The following COL7A1 variants were observed in gnomAD, a reference collection of about 807,000 sequenced individuals.
COL7A1 encodes the protein collagen type VII alpha 1 chain, also known as collagen alpha-1(VII) chain.
A neutral mutation model predicts 456.2 loss-of-function variants in COL7A1; 296 were observed. The observed-to-expected ratio is 0.65, with a 90% CI of 0.59 to 0.71. COL7A1 has a LOEUF of 0.71. Among genes scored for constraint, COL7A1 ranks in the 30% least tolerant of loss-of-function variants. The pLI, the probability that COL7A1 is intolerant of heterozygous loss-of-function variation, is 0.00. For synonymous variants in COL7A1, 1,464 were observed against 1,525.9 expected, an observed-to-expected ratio of 0.96 and a Z score of 0.95; for missense variants, 3,441 against 4,017.2, an observed-to-expected ratio of 0.86 and a Z score of 3.88.
rs1451363016 is a variant in COL7A1 at position 48,592,721 on chromosome 3, T to C, written c.847-22A>G. 6.2e-7 allele frequency: 1 copy of C among 1,613,396 alleles called. No individual in the cohort carries two copies. The highest frequency in any genetic ancestry group is 1.1e-5 in the South Asian group (1 of 91,084). The stretch of plus-strand genomic sequence containing the variant: ...TCACCTGCCCAGGGCAAGAGGTCAC[T>C]TTATCTTGCCCAGCCAAGTCCCCAG... On this transcript the variant is annotated intron_variant, in intron 7 of 118. Coordinates refer to ENST00000681320, the MANE Select transcript of COL7A1 (RefSeq NM_000094.4). This position sits in a 1 kb window ranked among gnomAD's most constrained non-coding sequence, Gnocchi z 7.6.
rs1187631387 is a variant in COL7A1, at chr3:48,592,947, G to T, written c.683-9C>A. The T allele has an allele frequency of 6.2e-7, 1 of 1,613,624 alleles. No individual in the cohort carries two copies. Among genetic ancestry groups the T allele is most frequent in the East Asian group, 2.2e-5 (1 of 44,874 alleles). On this transcript the variant is annotated splice_polypyrimidine_tract_variant and intron_variant, in intron 6 of 118. Coordinates refer to ENST00000681320, the MANE Select transcript of COL7A1 (RefSeq NM_000094.4). The surrounding 1 kb of genome is among the most constrained non-coding windows in gnomAD (Gnocchi z 7.6). ...AGAGGTCGAGTCATCCGCTGGGAAT[G>T]CGGGATCAGGGGATCAGGCAGGAGG...
Position 48,580,052 on chromosome 3 carries a change from G to C in COL7A1, c.5103C>G (p.Pro1701=), listed in dbSNP as rs1036738746. 1 of 1,613,836 alleles carries C rather than the reference G, an allele frequency of 6.2e-7. No homozygotes were observed. The highest frequency in any genetic ancestry group is 1.3e-5 in the African/African-American group (1 of 74,892). ...TTACCAGCCGTCCCGGGGGTCCTGG[G>C]GGACCCTGGGAAAGGAAATGATTAT... The part of the protein sequence containing the change: ...GPKGDRGEPG[P]PGPPGRLVDT... The change falls in exon 57 of 119, where the codon CCC becomes CCG. Residue 1701 remains proline (P), a synonymous_variant. Transcript: ENST00000681320. This position sits in a 1 kb window ranked among gnomAD's most constrained non-coding sequence, Gnocchi z 4.5.
At position 48,593,471 on chromosome 3, in the gene COL7A1, A is replaced by C; in HGVS notation, c.427-22T>G. The C allele has an allele frequency of 6.2e-7, 1 of 1,614,066 alleles. No individual in the cohort carries two copies. The highest frequency in any genetic ancestry group is 8.5e-7 in the Non-Finnish European group (1 of 1,180,000). On this transcript the variant is annotated intron_variant, in intron 4 of 118. Coordinates refer to ENST00000681320, the MANE Select transcript of COL7A1 (RefSeq NM_000094.4). The surrounding 1 kb of genome is among the most constrained non-coding windows in gnomAD (Gnocchi z 4.4). ...AGACCTGGGACAGGTGCAGGGGTCA[A>C]ATCACGGTTCCCCTGGACACTTCAT...
In COL7A1 at chr3:48,592,608, T is replaced by C; in HGVS notation, c.938A>G (p.Asn313Ser). The C allele has an allele frequency of 1.2e-6, 2 of 1,614,030 alleles. No individual in the cohort carries two copies. The highest frequency in any genetic ancestry group is 1.7e-6 in the Non-Finnish European group (2 of 1,180,018). ...YQVTVIALYA[N>S]SIGEAVSGTA... ...CCCGCTCACAGCCTCCCCGATGCTGTTGGCGTAGAGGGCAATCACAGTCAC... is the reference window on the plus strand; with the variant it reads ...CCCGCTCACAGCCTCCCCGATGCTGCTGGCGTAGAGGGCAATCACAGTCAC... Residue 313 changes from asparagine to serine, a missense_variant, in exon 8 of 119, where the codon AAC becomes AGC. Around this residue, in one of 3 missense-constraint regions of COL7A1, gnomAD observed 913 missense variants for 1,088.2 expected, o/e 0.84. Coordinates refer to ENST00000681320, the MANE Select transcript of COL7A1 (RefSeq NM_000094.4). This position sits in a 1 kb window ranked among gnomAD's most constrained non-coding sequence, Gnocchi z 7.6.
chr3:48,578,843 T>C lies in COL7A1; in HGVS notation c.5424+76A>G. 3 of 1,480,272 alleles carry C rather than the reference T, an allele frequency of 2.0e-6. No homozygotes were observed. The highest frequency in any genetic ancestry group is 2.8e-6 in the Non-Finnish European group (3 of 1,089,940). 91.7% of individuals were successfully genotyped at this position (1,480,272 alleles called of 1,614,324 possible). A position where few individuals can be genotyped will look rare whatever the true frequency, so the allele number is the denominator to read the frequency against. On this transcript the variant is annotated intron_variant, in intron 63 of 118. Coordinates refer to ENST00000681320, the MANE Select transcript of COL7A1 (RefSeq NM_000094.4). The surrounding 1 kb of genome is among the most constrained non-coding windows in gnomAD (Gnocchi z 4.7). ...CCGACCCCCCACCAACTCTCTCGGA[T>C]GCTGTGACTATGATGATCTGGTTGG...
Position 48,587,975 on chromosome 3 carries a change from T to G in COL7A1, c.2711-36A>C. The stretch of plus-strand genomic sequence containing the variant: ...CGTGAGGGTGGGGGCCAAGAGCATG[T>G]GGGATAGTGACACCTGGGGGCATTA... On this transcript the variant is annotated intron_variant, in intron 21 of 118. Coordinates refer to ENST00000681320, the MANE Select transcript of COL7A1 (RefSeq NM_000094.4). This position sits in a 1 kb window ranked among gnomAD's most constrained non-coding sequence, Gnocchi z 6.1. 6.4e-7 allele frequency: 1 copy of G among 1,557,504 alleles called. No homozygotes were observed. The highest frequency in any genetic ancestry group is 8.7e-7 in the Non-Finnish European group (1 of 1,150,436).
Position 48,588,508 on chromosome 3 carries a change from T to C in COL7A1, c.2588-104A>G. ...CACCCCGCCCAGCCTCTCAGACCCC[T>C]CTCCCTCCTCTCAGACCCTGCCCCC... On this transcript the variant is annotated intron_variant, in intron 20 of 118. Transcript: ENST00000681320. The surrounding 1 kb of genome is among the most constrained non-coding windows in gnomAD (Gnocchi z 4.6). 2 of 1,595,178 alleles carry C rather than the reference T, an allele frequency of 1.3e-6. No homozygotes were observed. Among genetic ancestry groups the C allele is most frequent in the Non-Finnish European group, 1.7e-6 (2 of 1,172,792 alleles).
intron 65 of COL7A1, among the ~76,000 whole-genome samples, chr3:48,577,347 T>C (rs1364884867): frequency 1.1e-4 from 17 of 152,234 alleles, no homozygotes; most frequent in Admixed American, 9.8e-4. Flanking sequence ...ATGTGTGTCT[T>C]AGTACATGTA....
chr3:48,568,199 A>C lies in COL7A1; in HGVS notation c.7795-29T>G. Reference sequence around the variant, plus strand: ...GCAGGGAGAGGGTCCATGTGAGGTCAGAGGAGGTCAGTGAGGGACCAAAGA... The same window carrying C: ...GCAGGGAGAGGGTCCATGTGAGGTCCGAGGAGGTCAGTGAGGGACCAAAGA... On this transcript the variant is annotated intron_variant, in intron 105 of 118. Transcript: ENST00000681320. The surrounding 1 kb of genome is among the most constrained non-coding windows in gnomAD (Gnocchi z 5.2). 1.9e-6 allele frequency: 3 copies of C among 1,608,220 alleles called. No individual in the cohort carries two copies. The highest frequency in any genetic ancestry group is 2.5e-6 in the Non-Finnish European group (3 of 1,178,238).
Position 48,565,392 on chromosome 3 carries a change from G to C in COL7A1, c.8527+18C>G. On this transcript the variant is annotated intron_variant, in intron 116 of 118. Transcript: ENST00000681320. The surrounding 1 kb of genome is among the most constrained non-coding windows in gnomAD (Gnocchi z 4.5). ...TCGGCCCCACCCATAGCTGCCCCAC[G>C]GGTTCAGCTGTCCTCACCTTCCTCC... 1 of 1,596,182 alleles carries C rather than the reference G, an allele frequency of 6.3e-7. No individual in the cohort carries two copies. The highest frequency in any genetic ancestry group is 8.5e-7 in the Non-Finnish European group (1 of 1,171,112).
rs981064576 is a variant in COL7A1, at chr3:48,594,621, TG to T, written c.86-74del. Reference sequence around the variant, plus strand: ...CCGCCTACCCGCACGGTGGCCTCACTGGGACTTGGGATGGTGGGGAGAGTAG... The same window carrying T: ...CCGCCTACCCGCACGGTGGCCTCACTGGACTTGGGATGGTGGGGAGAGTAG... On this transcript the variant is annotated intron_variant, in intron 2 of 118. Transcript: ENST00000681320. The surrounding 1 kb of genome is among the most constrained non-coding windows in gnomAD (Gnocchi z 5.5). 1.5e-5 allele frequency: 23 copies of T among 1,496,790 alleles called. No homozygotes were observed. In the African/African-American group the frequency reaches 3.0e-4, roughly 20 times the overall value. 92.7% of individuals were successfully genotyped at this position (1,496,790 alleles called of 1,614,324 possible).
Position 48,579,094 on chromosome 3 carries a change from C to T in COL7A1, c.5388+103G>A, listed in dbSNP as rs2107695913. 6.4e-7 allele frequency: 1 copy of T among 1,556,326 alleles called. No individual in the cohort carries two copies. The highest frequency in any genetic ancestry group is 8.8e-7 in the Non-Finnish European group (1 of 1,130,358). ...AAGACACAGACAACAGGTCTCGCCC[C>T]AGAGCTCGTCAAGGCCAAGACCAAC... On this transcript the variant is annotated intron_variant, in intron 62 of 118. Transcript: ENST00000681320. This position sits in a 1 kb window ranked among gnomAD's most constrained non-coding sequence, Gnocchi z 4.4.
chr3:48,577,780 G>T (rs550048439), intron 65 of COL7A1, among the ~76,000 whole-genome samples: 1 of 152,312 alleles, frequency 6.6e-6, no homozygotes, highest in Admixed American at 6.5e-5. Flanking sequence ...ATGGCTGTGG[G>T]TTATCTGGGC....
rs1457636237 is a variant in COL7A1, at chr3:48,578,082, TG to T, written c.5532+238del. Among the ~76,000 whole-genome samples, 1 of 152,076 alleles carries T rather than the reference TG, an allele frequency of 6.6e-6. No individual in the cohort carries two copies. The highest frequency in any genetic ancestry group is 1.5e-5 in the Non-Finnish European group (1 of 68,022). On this transcript the variant is annotated intron_variant, in intron 65 of 118. Transcript: ENST00000681320. The surrounding 1 kb of genome is among the most constrained non-coding windows in gnomAD (Gnocchi z 4.7). The stretch of plus-strand genomic sequence containing the variant: ...GGGAGGTTGAGGCAGGAGAATCACT[TG>T]AACCCGAGAGTCGAAGGTTGCAGTG...
In COL7A1 at chr3:48,594,580, C is replaced by A. The variant is rs1426617530; in HGVS notation, c.86-32G>T. 2 of 1,550,514 alleles carry A rather than the reference C, an allele frequency of 1.3e-6. No individual in the cohort carries two copies. Among genetic ancestry groups the A allele is most frequent in the Non-Finnish European group, 1.7e-6 (2 of 1,151,010 alleles). ...CGGGCAGGAGAGATCAGGGCCTCTT[C>A]TGGGAGGCCAACCACCCGCCTACCC... On this transcript the variant is annotated intron_variant, in intron 2 of 118. Coordinates refer to ENST00000681320, the MANE Select transcript of COL7A1 (RefSeq NM_000094.4). The surrounding 1 kb of genome is among the most constrained non-coding windows in gnomAD (Gnocchi z 5.5).
chr3:48,585,596 G>C lies in COL7A1; in HGVS notation c.3855C>G (p.Pro1285=). Residue 1285 remains proline (P), a synonymous_variant, in exon 32 of 119, where the codon CCC becomes CCG. Coordinates refer to ENST00000681320, the MANE Select transcript of COL7A1 (RefSeq NM_000094.4). This position sits in a 1 kb window ranked among gnomAD's most constrained non-coding sequence, Gnocchi z 4.5. ...CAGTGGCACTTCCAGGGGGCCCCTG[G>C]GGGCCGGGAGCACCGGTCCTGCCCT... ...GLPGRTGAPG[P]QGPPGSATAK... 6.2e-7 allele frequency: 1 copy of C among 1,614,000 alleles called. No individual in the cohort carries two copies. The highest frequency in any genetic ancestry group is 8.5e-7 in the Non-Finnish European group (1 of 1,180,026).
Position 48,570,161 on chromosome 3 carries a change from G to A in COL7A1, c.7458C>T (p.Pro2486=), listed in dbSNP as rs766547317. The change falls in exon 99 of 119, where the codon CCC becomes CCT. Residue 2486 remains proline (P), a synonymous_variant. Coordinates refer to ENST00000681320, the MANE Select transcript of COL7A1 (RefSeq NM_000094.4). The surrounding 1 kb of genome is among the most constrained non-coding windows in gnomAD (Gnocchi z 5.5). ...TGAGTCCTCGGGGTCCCTCCTGGCC[G>A]GGGCGGCCATCTTCACCCTGGATGG... ...EPGIRGEDGR[P]GQEGPRGLTG... is the part of the protein sequence containing the mutation. 1.6e-5 allele frequency: 26 copies of A among 1,614,142 alleles called. No individual in the cohort carries two copies. The highest frequency in any genetic ancestry group is 8.9e-5 in the East Asian group (4 of 44,886).
In COL7A1 at chr3:48,589,328, A is replaced by G; in HGVS notation, c.2313T>C (p.Thr771=). The G allele has an allele frequency of 6.2e-7, 1 of 1,612,582 alleles. No individual in the cohort carries two copies. The highest frequency in any genetic ancestry group is 8.5e-7 in the Non-Finnish European group (1 of 1,179,962). ...AGTAGCTGGCCAGGGTCCACTCACC[A>G]GTCCTCACAACCACAGAGGCAGGGG... ...DGPPASVVVR[T]APEPVGRVSR... Residue 771 remains threonine, a splice_region_variant and synonymous_variant, in exon 18 of 119, where the codon ACT becomes ACC. Transcript: ENST00000681320.
rs1422692870 is a variant in COL7A1, at chr3:48,567,158, G to A, written c.8079C>T (p.Pro2693=). The change falls in exon 110 of 119, where the codon CCC becomes CCT. Residue 2693 remains proline (P), a synonymous_variant. Transcript: ENST00000681320. This position sits in a 1 kb window ranked among gnomAD's most constrained non-coding sequence, Gnocchi z 4.3. ...GDRGFDGQPG[P]KGDQGEKGER... The stretch of plus-strand genomic sequence containing the variant: ...CCCCTTTCTCGCCCTGGTCACCCTT[G>A]GGGCCTGGCTGCCCGTCAAAGCCTC... 4 of 1,613,848 alleles carry A rather than the reference G, an allele frequency of 2.5e-6. No homozygotes were observed. Among genetic ancestry groups the A allele is most frequent in the South Asian group, 1.1e-5 (1 of 91,078 alleles).
Sources: allele counts gnomAD v4.1 joint callset (sites outside exome capture counted in the v4.1 genomes callset), GRCh38; gene constraint gnomAD v4.1.1; regional missense constraint gnomAD v4.1.1; non-coding constraint Gnocchi (gnomAD v3.1); transcripts MANE v1.5; gene names NCBI Gene and HGNC (gene_info 2026-07-23, HGNC 2026-07-21).